SLC4A10: variants seen among roughly 807,000 people sequenced by gnomAD.
SLC4A10 encodes solute carrier family 4 member 10.
A neutral mutation model predicts 137.7 loss-of-function variants in SLC4A10; 42 were observed. That is an observed-to-expected ratio of 0.30 (90% CI 0.24 to 0.39). The LOEUF (loss-of-function observed/expected upper bound fraction) is 0.39, where lower values mean the gene tolerates loss of function less well. Ranked by LOEUF, SLC4A10 falls within the 10% of genes least tolerant of loss-of-function variation. SLC4A10 has a pLI of 1.00. For synonymous variants in SLC4A10, 474 were observed against 464.1 expected (o/e 1.02, Z -0.27); for missense variants, 925 against 1,355.0 (o/e 0.68, Z 4.98).
chr2:161,952,615 A>G (rs1422655946), intron 19 of SLC4A10, among the ~76,000 whole-genome samples: 3 of 152,224 alleles, frequency 2.0e-5, no homozygotes, highest in South Asian at 4.1e-4. Context: ...AATCTGGCTT[A>G]ATCATAAACT....
At chr2:161,871,589 AC>A (rs199811744) in intron 6 of SLC4A10, among the ~76,000 whole-genome samples, 5,572 of 152,174 alleles carry the variant, frequency 0.037, 139 homozygotes, top group Non-Finnish European at 0.056. Flanking sequence ...AGGGAAAAGA[AC>A]TACAAGATAA....
rs371318199 is a variant in SLC4A10, at chr2:161,863,070, T to C, written c.766+8T>C. 115 of 1,613,004 alleles carry C rather than the reference T, an allele frequency of 7.1e-5. No individual in the cohort carries two copies. In the African/African-American group the frequency reaches 1.5e-3, roughly 21 times the overall value. ...ATTCCATGGACAAAAATGGTAAATG[T>C]TTATTTATTGTGCTCTTTATGTCTA... On this transcript the variant is annotated splice_region_variant and intron_variant, in intron 6 of 26. Coordinates refer to ENST00000446997, the MANE Select transcript of SLC4A10 (RefSeq NM_001178015.2).
intron 1 of SLC4A10, among the ~76,000 whole-genome samples, chr2:161,739,658 T>C (rs990601353): frequency 6.6e-5 from 10 of 152,286 alleles, no homozygotes; most frequent in South Asian, 2.1e-4. Flanking sequence ...ACCTACCAAC[T>C]GTGTTTAGGG....
chr2:161,744,656 G>A (rs1170386941), intron 1 of SLC4A10, among the ~76,000 whole-genome samples: 1 of 151,948 alleles, frequency 6.6e-6, no homozygotes, highest in Non-Finnish European at 1.5e-5. Flanking sequence ...TATTTTCAAT[G>A]GATGACAACT....
intron 18 of SLC4A10, among the ~76,000 whole-genome samples, 167 bp from the exon 19 acceptor site, chr2:161,950,520 C>A (rs1694614218): frequency 6.6e-6 from 1 of 151,836 alleles, no homozygotes; most frequent in Non-Finnish European, 1.5e-5. Flanking sequence ...ATATTTAAAG[C>A]ACTTAAAATG....
chr2:161,835,564 A>G (rs1190696063), intron 3 of SLC4A10, among the ~76,000 whole-genome samples: 1 of 152,242 alleles, frequency 6.6e-6, no homozygotes, highest in Non-Finnish European at 1.5e-5. Context: ...TGTGTGCCCT[A>G]CAGGCAGTTA....
intron 10 of SLC4A10, among the ~76,000 whole-genome samples, chr2:161,889,942 T>A (rs1322638145): frequency 6.6e-6 from 1 of 152,198 alleles, no homozygotes; most frequent in Non-Finnish European, 1.5e-5. Context: ...TAAATTTCCC[T>A]CTAAACACTG....
intron 3 of SLC4A10, among the ~76,000 whole-genome samples, chr2:161,839,162 C>A (rs2059011127): frequency 6.6e-6 from 1 of 152,190 alleles, no homozygotes. Flanking sequence ...CACACAATGA[C>A]AGATAAATCT....
At chr2:161,901,742 C>G (rs1447804106) in intron 12 of SLC4A10, among the ~76,000 whole-genome samples, 2 of 152,032 alleles carry the variant, frequency 1.3e-5, no homozygotes, top group Admixed American at 1.3e-4. Flanking sequence ...CCTGAGCACT[C>G]TGCATTTTAA....
At position 161,703,462 on chromosome 2, in the gene SLC4A10, T is replaced by TC. The variant is rs1399032061; in HGVS notation, c.49-67511_49-67510insC. ...ATTATTTAAAATACTAAAACTAAAA[T>TC]ATCAATAATGGTTATCTCTGTATAA... On this transcript the variant is annotated intron_variant, in intron 1 of 26. Transcript: ENST00000446997. Among the ~76,000 whole-genome samples the TC allele has an allele frequency of 4.6e-5, 7 of 151,830 alleles. No individual in the cohort carries two copies. In the East Asian group the frequency reaches 1.4e-3, roughly 29 times the overall value.
At chr2:161,640,552 T>C (rs922868949) in intron 1 of SLC4A10, among the ~76,000 whole-genome samples, 5 of 152,196 alleles carry the variant, frequency 3.3e-5, no homozygotes, top group African/African-American at 1.2e-4. Flanking sequence ...TACAACTTTG[T>C]TTGCTATCAG....
At position 161,728,152 on chromosome 2, in the gene SLC4A10, T is replaced by G. The variant is rs1319649770; in HGVS notation, c.49-42821T>G. Among the ~76,000 whole-genome samples the G allele has an allele frequency of 5.3e-5, 8 of 152,312 alleles. No homozygotes were observed. In the East Asian group the frequency reaches 1.5e-3, roughly 29 times the overall value. On this transcript the variant is annotated intron_variant, in intron 1 of 26. Transcript: ENST00000446997. ...AGTCTATGTACATAAATCTGTCAAC[T>G]TAGATGAATGGAACAATTTCTTGAA... is the stretch of plus-strand genomic sequence containing the variant.
chr2:161,673,763 G>T (rs1238452079), intron 1 of SLC4A10, among the ~76,000 whole-genome samples: 1 of 152,202 alleles, frequency 6.6e-6, no homozygotes, highest in African/African-American at 2.4e-5. Flanking sequence ...GACAAGGCGG[G>T]TGGATCACTT....
chr2:161,698,969 A>G (rs896445279), intron 1 of SLC4A10, among the ~76,000 whole-genome samples: 8 of 152,114 alleles, frequency 5.3e-5, no homozygotes, highest in African/African-American at 1.9e-4. Context: ...GCTATTAATT[A>G]TTGCCTCAAT....
At chr2:161,644,942 A>T (rs561108958) in intron 1 of SLC4A10, among the ~76,000 whole-genome samples, 1 of 152,188 alleles carries the variant, frequency 6.6e-6, no homozygotes, top group Admixed American at 6.5e-5. Flanking sequence ...AGTTACATCA[A>T]AACAAGAAGG....
chr2:161,628,757 A>C (rs1391649248), intron 1 of SLC4A10, among the ~76,000 whole-genome samples: 2 of 152,048 alleles, frequency 1.3e-5, no homozygotes, highest in Non-Finnish European at 2.9e-5. Context: ...GTGAGTGACT[A>C]TGGAAATAAA....
At chr2:161,742,427 CT>C (rs2047990250) in intron 1 of SLC4A10, among the ~76,000 whole-genome samples, 1 of 134,080 alleles carries the variant, frequency 7.5e-6, no homozygotes, top group Non-Finnish European at 1.5e-5. Flanking sequence ...TCTTTTCTTT[CT>C]TTCTTTCTTT....
At chr2:161,645,968 T>C (rs2035977618) in intron 1 of SLC4A10, among the ~76,000 whole-genome samples, 1 of 152,050 alleles carries the variant, frequency 6.6e-6, no homozygotes, top group Non-Finnish European at 1.5e-5. Context: ...CTTCAATATA[T>C]ATAACTTCTA....
At chr2:161,954,090 C>T (rs1246140923) in intron 19 of SLC4A10, among the ~76,000 whole-genome samples, 1 of 152,172 alleles carries the variant, frequency 6.6e-6, no homozygotes, top group Non-Finnish European at 1.5e-5. Flanking sequence ...TAATAAACAG[C>T]AATACAATCC....
Sources: gnomAD v4.1 joint callset for allele counts (sites outside exome capture counted in the v4.1 genomes callset) on GRCh38, gnomAD v4.1.1 for gene constraint, MANE v1.5 for transcripts, NCBI Gene and HGNC (gene_info 2026-07-23, HGNC 2026-07-21) for gene names.